CADPS2: variants seen among roughly 807,000 people sequenced by gnomAD.
CADPS2 encodes calcium-dependent secretion activator 2.
Under a neutral mutation model 172.5 loss-of-function variants are expected in CADPS2, and 93 were observed. The observed-to-expected ratio is 0.54, with a 90% CI of 0.46 to 0.64. The LOEUF is 0.64. CADPS2 is among the 30% of genes least tolerant of loss of function. The pLI is 0.00. For missense variants in CADPS2, 1,420 were observed against 1,565.9 expected (o/e 0.91, Z 1.57); for synonymous variants, 546 against 555.2 (o/e 0.98, Z 0.23).
At chr7:122,825,858 C>T (rs1804725707) in intron 1 of CADPS2, among the ~76,000 whole-genome samples, 1 of 152,092 alleles carries the variant, frequency 6.6e-6, no homozygotes, top group African/African-American at 2.4e-5. Context: ...TCAAGTTTGC[C>T]CACGTCCCCT....
chr7:122,556,877 T>A (rs183632603), intron 7 of CADPS2, among the ~76,000 whole-genome samples: 55 of 152,254 alleles, frequency 3.6e-4, no homozygotes, highest in Non-Finnish European at 3.2e-4. Context: ...TCTGATAATA[T>A]CACTTCTTCC....
chr7:122,606,370 T>C (rs985124778), intron 6 of CADPS2, among the ~76,000 whole-genome samples: 4 of 152,128 alleles, frequency 2.6e-5, no homozygotes, highest in Admixed American at 1.3e-4. Context: ...CTATTAAAAA[T>C]ATACATGTGC....
At chr7:122,759,115 A>AT (rs1006079327) in intron 1 of CADPS2, among the ~76,000 whole-genome samples, 3 of 152,108 alleles carry the variant, frequency 2.0e-5, no homozygotes, top group African/African-American at 7.2e-5. Flanking sequence ...AAATTTTGCC[A>AT]TTTTCCCTCT....
intron 2 of CADPS2, among the ~76,000 whole-genome samples, chr7:122,726,956 T>C (rs536591612): frequency 1.3e-5 from 2 of 151,934 alleles, no homozygotes; most frequent in Admixed American, 6.6e-5. Context: ...CCCTGATTAA[T>C]GAAGGAGTAA....
At chr7:122,649,898 A>ATTTTTTTTT (rs71531909) in intron 3 of CADPS2, among the ~76,000 whole-genome samples, 5,646 of 51,848 alleles carry the variant, frequency 0.11, 1,549 homozygotes, top group South Asian at 0.15. Context: ...GTATTCAATG[A>ATTTTTTTTT]TTTTTTTTTT....
intron 9 of CADPS2, 128 bp from the exon 10 acceptor site, chr7:122,491,548 T>G (rs2058290140): frequency 1.8e-6 from 1 of 559,622 alleles, no homozygotes; most frequent in Non-Finnish European, 3.1e-6. Flanking sequence ...ATTATTAAAT[T>G]TTAGCATTTT....
intron 7 of CADPS2, among the ~76,000 whole-genome samples, chr7:122,559,272 G>T (rs2065413659): frequency 6.6e-6 from 1 of 152,000 alleles, no homozygotes; most frequent in Admixed American, 6.6e-5. Flanking sequence ...CGGCACCCTA[G>T]AAAAAAACAC....
intron 2 of CADPS2, among the ~76,000 whole-genome samples, chr7:122,686,437 A>G (rs1280539475): frequency 6.6e-6 from 1 of 152,200 alleles, no homozygotes. Context: ...CATTGCTGAA[A>G]ATGAACTATC....
chr7:122,400,539 T>A (rs1459474479), intron 20 of CADPS2, among the ~76,000 whole-genome samples: 1 of 152,164 alleles, frequency 6.6e-6, no homozygotes, highest in Non-Finnish European at 1.5e-5. Flanking sequence ...AAAAAGGTAG[T>A]GACTCCTTGC....
intron 1 of CADPS2, among the ~76,000 whole-genome samples, chr7:122,857,111 A>G (rs1000291967): frequency 2.6e-5 from 4 of 152,172 alleles, no homozygotes; most frequent in African/African-American, 9.7e-5. Context: ...GAACAGAAAA[A>G]TATTCAGGAT....
At chr7:122,408,064 CT>C (rs573721956) in intron 19 of CADPS2, among the ~76,000 whole-genome samples, 1,579 of 150,542 alleles carry the variant, frequency 0.01, 28 homozygotes, top group African/African-American at 0.036. Context: ...TCCAATATTT[CT>C]TTTTTTTTCT....
At chr7:122,840,781 C>G (rs914314276) in intron 1 of CADPS2, among the ~76,000 whole-genome samples, 2 of 151,902 alleles carry the variant, frequency 1.3e-5, no homozygotes, top group Non-Finnish European at 2.9e-5. Context: ...CATTAATATT[C>G]TTTAAAAATT....
At chr7:122,658,212 A>C (rs983112171) in intron 3 of CADPS2, among the ~76,000 whole-genome samples, 1 of 152,204 alleles carries the variant, frequency 6.6e-6, no homozygotes, top group Non-Finnish European at 1.5e-5. Flanking sequence ...ACCAGTTAGA[A>C]TGGCAATCAT....
intron 9 of CADPS2, among the ~76,000 whole-genome samples, chr7:122,496,418 C>G (rs118097194): frequency 6.6e-6 from 1 of 152,180 alleles, no homozygotes; most frequent in African/African-American, 2.4e-5. Context: ...CTGCCTTGGC[C>G]TCCCAAAATG....
At chr7:122,463,590 C>T (rs1229162600) in intron 14 of CADPS2, among the ~76,000 whole-genome samples, 1 of 152,038 alleles carries the variant, frequency 6.6e-6, no homozygotes, top group African/African-American at 2.4e-5. Flanking sequence ...AGTTACAGCC[C>T]TAAACTCTTA....
intron 14 of CADPS2, among the ~76,000 whole-genome samples, chr7:122,469,097 GA>G (rs1423473188): frequency 2.0e-5 from 3 of 152,062 alleles, no homozygotes; most frequent in Non-Finnish European, 4.4e-5. Context: ...TCGTTATAAA[GA>G]AAACAATAGT....
At chr7:122,831,778 T>C (rs1563126486) in intron 1 of CADPS2, among the ~76,000 whole-genome samples, 2 of 152,192 alleles carry the variant, frequency 1.3e-5, no homozygotes, top group South Asian at 2.1e-4. Flanking sequence ...TACACTGAGA[T>C]GGCTACTGCA....
rs188052227 is a variant in CADPS2 at position 122,876,708 on chromosome 7, A to G, written c.339+9291T>C. ...TATTTTTAGGAAGAATATAATCTAAAATAAGACTTATAGCTAACATAAAGG... is the reference window on the plus strand; with the variant it reads ...TATTTTTAGGAAGAATATAATCTAAGATAAGACTTATAGCTAACATAAAGG... On this transcript the variant is annotated intron_variant, in intron 1 of 29. Coordinates refer to ENST00000449022, the MANE Select transcript of CADPS2 (RefSeq NM_017954.11). Among the ~76,000 whole-genome samples the G allele has an allele frequency of 3.3e-5, 5 of 152,304 alleles. No homozygotes were observed. The East Asian group carries it at 9.6e-4, about 29-fold the overall frequency.
rs148502006 is a variant in CADPS2, at chr7:122,373,952, G to T, written c.3387+5416C>A. 4.6e-4 allele frequency among the ~76,000 whole-genome samples: 70 copies of T among 152,106 alleles called. 1 individual carries two copies. In the East Asian group the frequency reaches 0.013, roughly 28 times the overall value. On this transcript the variant is annotated intron_variant, in intron 25 of 29. Transcript: ENST00000449022. ...ATACCAAAGCCAGACAAAAGATACT[G>T]CCAGAAAAGAAAACTATAAGCCAAG...
Sources: gnomAD v4.1 joint callset for allele counts (sites outside exome capture counted in the v4.1 genomes callset) on GRCh38, gnomAD v4.1.1 for gene constraint, MANE v1.5 for transcripts, NCBI Gene and HGNC (gene_info 2026-07-23, HGNC 2026-07-21) for gene names.